HECW2: variants seen among roughly 807,000 people sequenced by gnomAD.
The protein encoded by HECW2 is E3 ubiquitin-protein ligase HECW2.
Under a neutral mutation model 175.2 loss-of-function variants are expected in HECW2, and 61 were observed. That is an observed-to-expected ratio of 0.35 (90% confidence interval 0.28 to 0.43). The LOEUF is 0.43. Ranked by LOEUF, HECW2 falls within the 20% of genes least tolerant of loss-of-function variation. The probability of loss-of-function intolerance (pLI) is 1.00; values close to 1 mark genes in which losing one functional copy is unlikely to be tolerated. For synonymous variants in HECW2, 671 were observed against 731.0 expected (o/e 0.92, Z 1.32); for missense variants, 1,524 against 2,000.5 (o/e 0.76, Z 4.54).
chr2:196,386,433 G>A (rs1694353288), intron 2 of HECW2, among the ~76,000 whole-genome samples: 1 of 152,144 alleles, frequency 6.6e-6, no homozygotes, highest in Admixed American at 6.6e-5. Context: ...GCCCCCATGA[G>A]GGAGCTTGCT....
At chr2:196,487,120 G>A (rs1387662216) in intron 1 of HECW2, among the ~76,000 whole-genome samples, 2 of 148,872 alleles carry the variant, frequency 1.3e-5, no homozygotes, top group Admixed American at 6.7e-5. Flanking sequence ...CTGCACTCCA[G>A]CCTGAGCAAC....
chr2:196,421,421 G>A (rs1406215), intron 2 of HECW2, among the ~76,000 whole-genome samples: 144,211 of 152,242 alleles, frequency 0.95, 68,410 homozygotes, highest in East Asian at 1. Flanking sequence ...AAGTTGATGT[G>A]ACAACTGATA....
At chr2:196,249,747 A>G (rs1452220143) in intron 19 of HECW2, among the ~76,000 whole-genome samples, 1 of 152,244 alleles carries the variant, frequency 6.6e-6, no homozygotes, top group Non-Finnish European at 1.5e-5. Context: ...GGAATTTGTT[A>G]TAGTGACTTC....
At chr2:196,511,093 G>A (rs909651195) in intron 1 of HECW2, among the ~76,000 whole-genome samples, 4 of 152,144 alleles carry the variant, frequency 2.6e-5, no homozygotes, top group South Asian at 2.1e-4. Context: ...TGCCTCCCAA[G>A]TAGCTGGGAT....
intron 2 of HECW2, among the ~76,000 whole-genome samples, chr2:196,390,530 T>C (rs1191679388): frequency 1.3e-5 from 2 of 152,340 alleles, no homozygotes; most frequent in Non-Finnish European, 2.9e-5. Context: ...GGTAGCTTAC[T>C]AGCCTTTTCT....
chr2:196,351,024 T>C (rs1693152437), intron 2 of HECW2, among the ~76,000 whole-genome samples: 1 of 152,220 alleles, frequency 6.6e-6, no homozygotes, highest in African/African-American at 2.4e-5. Flanking sequence ...GTTCTATGAA[T>C]GGTCATCAGA....
At chr2:196,213,626 T>C (rs1687369134) in intron 28 of HECW2, among the ~76,000 whole-genome samples, 1 of 152,200 alleles carries the variant, frequency 6.6e-6, no homozygotes, top group Admixed American at 6.5e-5. Flanking sequence ...TTTTATAATC[T>C]GGGTAAAACT....
Position 196,329,601 on chromosome 2 carries a change from C to G in HECW2, c.545G>C (p.Arg182Pro), listed in dbSNP as rs748951495. 1 of 1,613,400 alleles carries G rather than the reference C, an allele frequency of 6.2e-7. No homozygotes were observed. Among genetic ancestry groups the G allele is most frequent in the South Asian group, 1.1e-5 (1 of 91,064 alleles). The change falls in exon 5 of 29, where the codon CGA (arginine) becomes CCA (proline). Residue 182 changes from arginine (R) to proline (P), a missense_variant. Around this residue, in one of 11 missense-constraint regions of HECW2, gnomAD observed 54 missense variants for 46.8 expected, o/e 1.15. Transcript: ENST00000644978. Reference protein sequence around the residue: ...EGGASGNLHSRKLVSFTLSDL... With the variant: ...EGGASGNLHSPKLVSFTLSDL... ...TGACAATGTAAAGCTAACAAGTTTTCGAGAATGCAGGTTTCCTGAAGCACC... is the reference window on the plus strand; with the variant it reads ...TGACAATGTAAAGCTAACAAGTTTTGGAGAATGCAGGTTTCCTGAAGCACC...
chr2:196,471,076 A>C (rs191102988), intron 1 of HECW2, among the ~76,000 whole-genome samples: 1 of 152,250 alleles, frequency 6.6e-6, no homozygotes, highest in Admixed American at 6.5e-5. Flanking sequence ...GGAGATTCAT[A>C]TGGACAATGG....
At chr2:196,382,224 T>C (rs983847970) in intron 2 of HECW2, among the ~76,000 whole-genome samples, 1 of 134,886 alleles carries the variant, frequency 7.4e-6, no homozygotes, top group Non-Finnish European at 1.5e-5. Flanking sequence ...TATGTGTGTG[T>C]GTGTGTATAT....
At position 196,222,198 on chromosome 2, in the gene HECW2, C is replaced by T. The variant is rs1687694559; in HGVS notation, c.4146+13G>A. 1.2e-6 allele frequency: 2 copies of T among 1,610,340 alleles called. No homozygotes were observed. Among genetic ancestry groups the T allele is most frequent in the Admixed American group, 1.7e-5 (1 of 59,690 alleles). On this transcript the variant is annotated intron_variant, in intron 24 of 28. Coordinates refer to ENST00000644978, the MANE Select transcript of HECW2 (RefSeq NM_001348768.2). ...TTACCACACTTAGGCGCCAGGTGTG[C>T]AGATACACACACCTGCCCAAATACT... is the stretch of plus-strand genomic sequence containing the variant.
chr2:196,491,299 G>A (rs1287219050), intron 1 of HECW2, among the ~76,000 whole-genome samples: 1 of 151,106 alleles, frequency 6.6e-6, no homozygotes, highest in Non-Finnish European at 1.5e-5. Context: ...CTTGAGGCCA[G>A]GAGTTCAAGA....
Position 196,215,760 on chromosome 2 carries a change from C to T in HECW2, c.4607+105G>A, listed in dbSNP as rs1166328411. The T allele has an allele frequency of 6.5e-6, 5 of 771,372 alleles. No homozygotes were observed. In the East Asian group the frequency reaches 8.2e-5, roughly 13 times the overall value. 47.8% of individuals were successfully genotyped at this position (771,372 alleles called of 1,614,324 possible). On this transcript the variant is annotated intron_variant, in intron 28 of 28. Coordinates refer to ENST00000644978, the MANE Select transcript of HECW2 (RefSeq NM_001348768.2). ...GAAATTCATTCTAAGAGCTTTTCCG[C>T]TCTCCCAAACTTTTAATATAAAAGC...
At chr2:196,365,508 T>C (rs1431666780) in intron 2 of HECW2, among the ~76,000 whole-genome samples, 1 of 152,248 alleles carries the variant, frequency 6.6e-6, no homozygotes, top group African/African-American at 2.4e-5. Flanking sequence ...TCGAACCCTG[T>C]GTTCCTAAAG....
intron 19 of HECW2, among the ~76,000 whole-genome samples, chr2:196,244,165 G>A (rs1688563863): frequency 6.6e-6 from 1 of 152,178 alleles, no homozygotes; most frequent in African/African-American, 2.4e-5. Flanking sequence ...TTCACCAATG[G>A]ATGTCCAAAA....
intron 1 of HECW2, among the ~76,000 whole-genome samples, chr2:196,577,672 C>G (rs79952669): frequency 7.2e-5 from 11 of 152,152 alleles, no homozygotes; most frequent in African/African-American, 2.7e-4. Flanking sequence ...GAATTGTCAA[C>G]TGTCTTGCTG....
intron 1 of HECW2, among the ~76,000 whole-genome samples, chr2:196,555,389 T>C (rs1689759207): frequency 6.6e-6 from 1 of 152,132 alleles, no homozygotes; most frequent in African/African-American, 2.4e-5. Context: ...ATCCTTTTCA[T>C]GAGGGCTCCA....
chr2:196,522,271 T>A (rs1244898661), intron 1 of HECW2, among the ~76,000 whole-genome samples: 1 of 152,242 alleles, frequency 6.6e-6, no homozygotes, highest in Non-Finnish European at 1.5e-5. Context: ...TTTGGCTGCA[T>A]AAATGTCTTC....
At chr2:196,222,849 T>A (rs1329334455) in intron 23 of HECW2, among the ~76,000 whole-genome samples, 1 of 152,184 alleles carries the variant, frequency 6.6e-6, no homozygotes, top group Non-Finnish European at 1.5e-5. Flanking sequence ...ACATGATTCA[T>A]CTTCACATAC....
Sources: allele counts gnomAD v4.1 joint callset (sites outside exome capture counted in the v4.1 genomes callset), GRCh38; gene constraint gnomAD v4.1.1; regional missense constraint gnomAD v4.1.1; transcripts MANE v1.5; gene names NCBI Gene and HGNC (gene_info 2026-07-23, HGNC 2026-07-21).